SRCIN1: variants seen among roughly 807,000 people sequenced by gnomAD.
SRCIN1 encodes SRC kinase signaling inhibitor 1, also known as P130Cas-associated protein.
Under a neutral mutation model 116.2 loss-of-function variants are expected in SRCIN1, and 50 were observed. The ratio of observed to expected loss-of-function variants is 0.43; its 90% CI spans 0.34 to 0.54. The LOEUF is 0.54. SRCIN1 is among the 20% of genes least tolerant of loss of function. The probability of loss-of-function intolerance (pLI) is 0.02; values close to 1 mark genes in which losing one functional copy is unlikely to be tolerated. For synonymous variants in SRCIN1, 736 were observed against 750.0 expected, an observed-to-expected ratio of 0.98 and a Z score of 0.30; for missense variants, 1,446 against 1,672.0, an observed-to-expected ratio of 0.86 and a Z score of 2.36.
chr17:38,552,887 T>C lies in SRCIN1; in HGVS notation c.2202-32A>G. 6.3e-7 allele frequency: 1 copy of C among 1,598,000 alleles called. No individual in the cohort carries two copies. Among genetic ancestry groups the C allele is most frequent in the African/African-American group, 1.3e-5 (1 of 74,550 alleles). On this transcript the variant is annotated intron_variant, in intron 11 of 18. Coordinates refer to ENST00000617146, the MANE Select transcript of SRCIN1 (RefSeq NM_025248.3). The surrounding 1 kb of genome is among the most constrained non-coding windows in gnomAD (Gnocchi z 5.3). ...CCACAGAGAGACCCTTTCAGCCCTT[T>C]TGGCCTGAGATGCCAGCCCAGCCCC... is the stretch of plus-strand genomic sequence containing the variant.
intron 11 of SRCIN1, among the ~76,000 whole-genome samples, chr17:38,555,323 T>C (rs1905713465): frequency 6.6e-6 from 1 of 152,082 alleles, no homozygotes; most frequent in South Asian, 2.1e-4. Context: ...CCATGTAAGG[T>C]CCTCCATGCT....
In SRCIN1 at chr17:38,552,862, CCA is replaced by C. The variant is rs1567859495; in HGVS notation, c.2202-9_2202-8del. 6.2e-7 allele frequency: 1 copy of C among 1,612,762 alleles called. No homozygotes were observed. Among genetic ancestry groups the C allele is most frequent in the South Asian group, 1.1e-5 (1 of 90,870 alleles). On this transcript the variant is annotated splice_region_variant and splice_polypyrimidine_tract_variant and intron_variant, in intron 11 of 18. Transcript: ENST00000617146. This position sits in a 1 kb window ranked among gnomAD's most constrained non-coding sequence, Gnocchi z 5.3. ...CACCGATTTCTCCAGGTCACTGCAG[CCA>C]CAGAGAGACCCTTTCAGCCCTTTTG...
intron 1 of SRCIN1, among the ~76,000 whole-genome samples, chr17:38,588,383 C>T (rs1250188950): frequency 6.6e-6 from 1 of 152,266 alleles, no homozygotes; most frequent in East Asian, 1.9e-4. Context: ...GCCCACGCGG[C>T]ACTATGTTAA....
chr17:38,553,975 G>A (rs1484099919), intron 11 of SRCIN1, among the ~76,000 whole-genome samples: 1 of 152,200 alleles, frequency 6.6e-6, no homozygotes, highest in Admixed American at 6.5e-5. Context: ...ACTTTGGGAG[G>A]CCGAGGTGGG....
At chr17:38,551,642 G>A (rs1905418387) in intron 14 of SRCIN1, 1 of 661,788 alleles carries the variant, frequency 1.5e-6, no homozygotes, top group East Asian at 2.7e-5. Flanking sequence ...TTGTTTCACT[G>A]ACTACATAGT....
chr17:38,551,629 C>T (rs1290465804), intron 14 of SRCIN1: 6 of 655,698 alleles, frequency 9.2e-6, no homozygotes, highest in Non-Finnish European at 1.6e-5. Context: ...TCTGGGCATT[C>T]TATTGTTTCA....
chr17:38,577,414 G>A lies in SRCIN1; in HGVS notation c.324+1076C>T, dbSNP rs867165068. Among the ~76,000 whole-genome samples, 11 of 152,378 alleles carry A rather than the reference G, an allele frequency of 7.2e-5. No individual in the cohort carries two copies. In the Middle Eastern group the frequency reaches 0.017, roughly 236 times the overall value. On this transcript the variant is annotated intron_variant, in intron 2 of 18. Coordinates refer to ENST00000617146, the MANE Select transcript of SRCIN1 (RefSeq NM_025248.3). The stretch of plus-strand genomic sequence containing the variant: ...AAAAGGCAAAAGCCAGACGGAACTG[G>A]AGGTGGCACTAGAGGGCAGATAAGG...
intron 1 of SRCIN1, among the ~76,000 whole-genome samples, chr17:38,587,429 G>C (rs1908172526): frequency 6.6e-6 from 1 of 152,046 alleles, no homozygotes; most frequent in South Asian, 2.1e-4. Context: ...GGAAGAGGTG[G>C]CCCCCTCCTT....
chr17:38,562,742 G>T lies in SRCIN1; in HGVS notation c.834+85C>A. On this transcript the variant is annotated intron_variant, in intron 6 of 18. Coordinates refer to ENST00000617146, the MANE Select transcript of SRCIN1 (RefSeq NM_025248.3). This position sits in a 1 kb window ranked among gnomAD's most constrained non-coding sequence, Gnocchi z 4.2. ...GCTGTCTTCTCCAAAGCTGGCCCTG[G>T]TTCCAGATGACAACTGCCCAGACCC... 8.1e-7 allele frequency: 1 copy of T among 1,240,396 alleles called. No homozygotes were observed. The highest frequency in any genetic ancestry group is 1.1e-6 in the Non-Finnish European group (1 of 871,624). 76.8% of individuals were successfully genotyped at this position (1,240,396 alleles called of 1,614,324 possible). A position where few individuals can be genotyped will look rare whatever the true frequency, so the allele number is the denominator to read the frequency against.
intron 18 of SRCIN1, among the ~76,000 whole-genome samples, chr17:38,540,373 G>T (rs1904651434): frequency 6.6e-6 from 1 of 152,186 alleles, no homozygotes; most frequent in Non-Finnish European, 1.5e-5. Flanking sequence ...GGACTCACTG[G>T]ATGAAGGAGA....
In SRCIN1 at chr17:38,563,621, G is replaced by T. The variant is rs1439177280; in HGVS notation, c.542-100C>A. 2 of 1,468,576 alleles carry T rather than the reference G, an allele frequency of 1.4e-6. No individual in the cohort carries two copies. Among genetic ancestry groups the T allele is most frequent in the Admixed American group, 2.0e-5 (1 of 50,904 alleles). The allele number at this position is 1,468,576 out of a possible 1,614,324, so 91.0% of individuals were successfully genotyped here. ...TTCGGAGCTGCGCCAGCCCCGCAGC[G>T]GCAGGGTCTGAGGCTAGACGCCGCC... On this transcript the variant is annotated intron_variant, in intron 4 of 18. Transcript: ENST00000617146. This position sits in a 1 kb window ranked among gnomAD's most constrained non-coding sequence, Gnocchi z 5.8.
At chr17:38,548,768 C>A in intron 16 of SRCIN1, 59 bp from the exon 17 acceptor site, 1 of 1,479,814 alleles carries the variant, frequency 6.8e-7, no homozygotes. Context: ...CACCAGCTCA[C>A]CTCCCAGGCC....
chr17:38,566,886 C>CTTCCTTCCTTCT (rs1906738885), intron 3 of SRCIN1, among the ~76,000 whole-genome samples: 1 of 148,652 alleles, frequency 6.7e-6, no homozygotes, highest in Non-Finnish European at 1.5e-5. Flanking sequence ...TCCTTCCTTC[C>CTTCCTTCCTTCT]TTCCTTCCTT....
At chr17:38,583,025 G>C (rs1907907666) in intron 1 of SRCIN1, among the ~76,000 whole-genome samples, 1 of 152,186 alleles carries the variant, frequency 6.6e-6, no homozygotes, top group South Asian at 2.1e-4. Context: ...ACCCAGGCCA[G>C]AGACACCCTG....
chr17:38,586,934 G>A (rs1010673266), intron 1 of SRCIN1, among the ~76,000 whole-genome samples: 1 of 152,104 alleles, frequency 6.6e-6, no homozygotes, highest in Non-Finnish European at 1.5e-5. Context: ...TGCTACTGGT[G>A]GAGCTGCTGG....
intron 1 of SRCIN1, among the ~76,000 whole-genome samples, chr17:38,594,583 ACCTGCAATTAGGCAGC>A: frequency 6.7e-6 from 1 of 148,708 alleles, no homozygotes; most frequent in African/African-American, 2.4e-5. Context: ...CGCAAAGGGC[ACCTGCAATTAGGCAGC>A]CCCTGCTGTG....
At chr17:38,550,959 C>T (rs1173294488) in intron 15 of SRCIN1, among the ~76,000 whole-genome samples, 196 bp downstream of exon 15, 3 of 152,356 alleles carry the variant, frequency 2.0e-5, no homozygotes, top group South Asian at 2.1e-4. Flanking sequence ...TGGGAAATGC[C>T]GGGATGGAGT....
Position 38,552,645 on chromosome 17 carries a change from G to A in SRCIN1, c.2333-51C>T, listed in dbSNP as rs1467068032. The A allele has an allele frequency of 1.9e-6, 3 of 1,612,834 alleles. No homozygotes were observed. The highest frequency in any genetic ancestry group is 1.7e-5 in the Admixed American group (1 of 59,892). On this transcript the variant is annotated intron_variant, in intron 12 of 18. Transcript: ENST00000617146. The surrounding 1 kb of genome is among the most constrained non-coding windows in gnomAD (Gnocchi z 5.3). ...GGGGCCAGAGGGAGCACCACAGACT[G>A]GGAGGAGAGGATGGTGGCTGGAGTA... is the stretch of plus-strand genomic sequence containing the variant.
At chr17:38,591,907 G>C (rs535244858) in intron 1 of SRCIN1, among the ~76,000 whole-genome samples, 22 of 152,348 alleles carry the variant, frequency 1.4e-4, no homozygotes, top group African/African-American at 4.3e-4. Flanking sequence ...TGAGTGGGCA[G>C]CCCGCTCTGC....
Sources: gnomAD v4.1 joint callset for allele counts (sites outside exome capture counted in the v4.1 genomes callset) on GRCh38, gnomAD v4.1.1 for gene constraint, Gnocchi (gnomAD v3.1) non-coding constraint, MANE v1.5 for transcripts, NCBI Gene and HGNC (gene_info 2026-07-23, HGNC 2026-07-21) for gene names.